The following CCDC13 variants were observed in gnomAD, a reference collection of about 807,000 sequenced individuals.
The protein encoded by CCDC13 is coiled-coil domain containing 13.
In CCDC13, 70 loss-of-function variants were observed where a neutral mutation model predicts 87.3. The ratio of observed to expected loss-of-function variants is 0.80; its 90% CI spans 0.66 to 0.98. The LOEUF (loss-of-function observed/expected upper bound fraction) is 0.98, where lower values mean the gene tolerates loss of function less well. Among genes scored for constraint, CCDC13 ranks in the 50% least tolerant of loss-of-function variants. The probability of loss-of-function intolerance (pLI) is 0.00; values close to 1 mark genes in which losing one functional copy is unlikely to be tolerated. For missense variants in CCDC13, 842 were observed against 892.0 expected, an observed-to-expected ratio of 0.94 and a Z score of 0.71; for synonymous variants, 317 against 360.3, an observed-to-expected ratio of 0.88 and a Z score of 1.36.
intron 2 of CCDC13, 49 bp downstream of exon 2, chr3:42,758,076 C>CAT: frequency 6.8e-7 from 1 of 1,473,692 alleles, no homozygotes. Context: ...CACACACACA[C>CAT]ACACACACAC....
chr3:42,766,153 GGGAGACAGCAGGCCCTGACAGA>G (rs1699928128), intron 1 of CCDC13, among the ~76,000 whole-genome samples: 1 of 152,154 alleles, frequency 6.6e-6, no homozygotes, highest in South Asian at 2.1e-4. Context: ...TGAGTGACTG[GGGAGACAGCAGGCCCTGACAGA>G]GGAGCAGTTT....
chr3:42,709,585 G>C (rs1178628431), intron 15 of CCDC13, 99 bp downstream of exon 15: 10 of 949,490 alleles, frequency 1.1e-5, no homozygotes, highest in Middle Eastern at 2.1e-4. Flanking sequence ...CTGGGCAAAT[G>C]AGTCAAAAGT....
At chr3:42,752,186 T>C (rs541384099) in intron 4 of CCDC13, among the ~76,000 whole-genome samples, 161 bp from the exon 5 acceptor site, 48 of 152,332 alleles carry the variant, frequency 3.2e-4, no homozygotes, top group Non-Finnish European at 4.1e-4. Flanking sequence ...GAAACCGCTC[T>C]GGAATGGAGA....
At chr3:42,752,114 CTA>C in intron 4 of CCDC13, 89 bp from the exon 5 acceptor site, 2 of 1,156,270 alleles carry the variant, frequency 1.7e-6, no homozygotes, top group Non-Finnish European at 2.5e-6. Context: ...GTGTGGTTAC[CTA>C]TCTTGGTGGT....
chr3:42,757,276 G>A (rs1406989506), intron 2 of CCDC13, 62 bp from the exon 3 acceptor site: 3 of 1,528,232 alleles, frequency 2.0e-6, no homozygotes, highest in Non-Finnish European at 2.7e-6. Context: ...GCAGGGGTCA[G>A]GCCTCCACTG....
At chr3:42,771,179 G>A (rs981482267) in intron 1 of CCDC13, 7 of 152,354 alleles carry the variant, frequency 4.6e-5, no homozygotes, top group African/African-American at 1.7e-4. Context: ...ACCTAAATGT[G>A]TATTGTTAAG....
chr3:42,724,606 G>A (rs946053289), intron 13 of CCDC13, among the ~76,000 whole-genome samples: 3 of 152,274 alleles, frequency 2.0e-5, no homozygotes, highest in East Asian at 1.9e-4. Context: ...ATTTGATTGC[G>A]ATTCTAATAG....
At chr3:42,747,680 T>A (rs1183515115) in intron 5 of CCDC13, among the ~76,000 whole-genome samples, 1 of 152,196 alleles carries the variant, frequency 6.6e-6, no homozygotes, top group Admixed American at 6.5e-5. Context: ...CACACACACA[T>A]GTGGGTGTAT....
Position 42,708,953 on chromosome 3 carries a change from C to G in CCDC13, c.*27G>C, listed in dbSNP as rs368060583. The G allele has an allele frequency of 6.3e-7, 1 of 1,594,138 alleles. No individual in the cohort carries two copies. Among genetic ancestry groups the G allele is most frequent in the Admixed American group, 1.7e-5 (1 of 58,352 alleles). On this transcript the variant is annotated 3_prime_UTR_variant, in exon 16 of 16. Transcript: ENST00000310232. ...CTCTCAAGACCTGAGGCTGCCCACCCGGCCAGGCCGACACTGGGCTGTCAT... is the reference window on the plus strand; with the variant it reads ...CTCTCAAGACCTGAGGCTGCCCACCGGGCCAGGCCGACACTGGGCTGTCAT...
intron 9 of CCDC13, among the ~76,000 whole-genome samples, chr3:42,736,678 T>C (rs1699030883): frequency 6.6e-6 from 1 of 152,112 alleles, no homozygotes; most frequent in Non-Finnish European, 1.5e-5. Flanking sequence ...ATTTCTGGTC[T>C]TCTGTGCCCC....
At chr3:42,742,636 T>A (rs1257666306) in intron 8 of CCDC13, among the ~76,000 whole-genome samples, 1 of 152,150 alleles carries the variant, frequency 6.6e-6, no homozygotes. Context: ...AATGAGAATT[T>A]CAGGTATAGC....
At position 42,730,173 on chromosome 3, in the gene CCDC13, T is replaced by C. The variant is rs547195129; in HGVS notation, c.1718+294A>G. Among the ~76,000 whole-genome samples, 3 of 152,214 alleles carry C rather than the reference T, an allele frequency of 2.0e-5. No individual in the cohort carries two copies. The South Asian group carries it at 6.2e-4, about 32-fold the overall frequency. ...ATCACAGATTTTAATTATTGATGGATTGATTTGACTGATTTACTTCTGGGT... is the reference window on the plus strand; with the variant it reads ...ATCACAGATTTTAATTATTGATGGACTGATTTGACTGATTTACTTCTGGGT... On this transcript the variant is annotated intron_variant, in intron 13 of 15. Transcript: ENST00000310232.
At chr3:42,725,533 C>CAAAAA (rs56224625) in intron 13 of CCDC13, among the ~76,000 whole-genome samples, 1 of 91,496 alleles carries the variant, frequency 1.1e-5, no homozygotes, top group African/African-American at 4.3e-5. Flanking sequence ...GACCCTGTCT[C>CAAAAA]AAAAAAAAAA....
intron 8 of CCDC13, among the ~76,000 whole-genome samples, chr3:42,742,384 G>A (rs998281310): frequency 6.6e-6 from 1 of 152,148 alleles, no homozygotes; most frequent in African/African-American, 2.4e-5. Flanking sequence ...GCAAGGCCCC[G>A]ATCTGCACCT....
rs1699748712 is a variant in CCDC13 at position 42,758,129 on chromosome 3, T to TC, written c.216dup (p.Lys73GlufsTer5). On this transcript the variant is annotated frameshift_variant, in exon 2 of 16. Transcript: ENST00000310232. LOFTEE classifies it high-confidence loss of function. ...AGATTTCAAACTTGCATTTACCTCT[T>TC]CTCAAAGCTATTTTTCGAGTTTGGC... The TC allele has an allele frequency of 6.2e-7, 1 of 1,613,184 alleles. No individual in the cohort carries two copies. Among genetic ancestry groups the TC allele is most frequent in the Admixed American group, 1.7e-5 (1 of 59,960 alleles).
chr3:42,772,837 G>A (rs1299920156), intron 1 of CCDC13, among the ~76,000 whole-genome samples: 1 of 152,226 alleles, frequency 6.6e-6, no homozygotes, highest in East Asian at 1.9e-4. Context: ...GGGCCCAGTG[G>A]CAGAGGCCCA....
downstream of CCDC13, among the ~76,000 whole-genome samples, chr3:42,705,626 G>C (rs534344663): frequency 6.6e-6 from 1 of 152,106 alleles, no homozygotes; most frequent in Non-Finnish European, 1.5e-5. Context: ...CTACCTCCTC[G>C]TGGATCTGGC....
intron 3 of CCDC13, among the ~76,000 whole-genome samples, chr3:42,755,097 G>A (rs963584825): frequency 6.6e-6 from 1 of 152,162 alleles, no homozygotes; most frequent in African/African-American, 2.4e-5. Context: ...AAAGGGACCT[G>A]AATGGTGGTA....
At chr3:42,730,336 G>T in intron 13 of CCDC13, 131 bp downstream of exon 13, 1 of 1,315,488 alleles carries the variant, frequency 7.6e-7, no homozygotes, top group Non-Finnish European at 1.0e-6. Context: ...ATGAGTTGTG[G>T]CTAGGAATGC....
Sources: gnomAD v4.1 joint callset for allele counts (sites outside exome capture counted in the v4.1 genomes callset) on GRCh38, gnomAD v4.1.1 for gene constraint, MANE v1.5 for transcripts, NCBI Gene and HGNC (gene_info 2026-07-23, HGNC 2026-07-21) for gene names.